VTI1A: variants seen among roughly 807,000 people sequenced by gnomAD.
VTI1A encodes vesicle transport through interaction with t-SNAREs 1A.
VTI1A carries 22 observed loss-of-function variants against 34.9 expected under a neutral mutation model. The observed-to-expected ratio is 0.63, with a 90% confidence interval of 0.45 to 0.90. The LOEUF is 0.90. Among genes scored for constraint, VTI1A ranks in the 40% least tolerant of loss-of-function variants. The pLI is 0.00. For synonymous variants in VTI1A, 87 were observed against 97.3 expected (o/e 0.89, Z 0.62); for missense variants, 268 against 275.6 (o/e 0.97, Z 0.20).
At chr10:112,611,127 A>G (rs1169008497) in intron 5 of VTI1A, among the ~76,000 whole-genome samples, 1 of 152,196 alleles carries the variant, frequency 6.6e-6, no homozygotes, top group Non-Finnish European at 1.5e-5. Context: ...CTGTCCCAGC[A>G]TGGTGACATT....
chr10:112,801,651 A>C (rs529010399), intron 7 of VTI1A, among the ~76,000 whole-genome samples: 1 of 152,176 alleles, frequency 6.6e-6, no homozygotes, highest in South Asian at 2.1e-4. Flanking sequence ...CCCATATGTT[A>C]TGTAAAAATA....
intron 7 of VTI1A, among the ~76,000 whole-genome samples, chr10:112,805,937 A>G (rs536734134): frequency 6.6e-6 from 1 of 152,326 alleles, no homozygotes; most frequent in South Asian, 2.1e-4. Context: ...TGCCGGCCCT[A>G]GCACACTAAT....
intron 2 of VTI1A, among the ~76,000 whole-genome samples, chr10:112,462,783 G>T (rs557038426): frequency 9.2e-4 from 140 of 152,326 alleles, no homozygotes; most frequent in African/African-American, 3.2e-3. Context: ...TGATAAGCTG[G>T]TAGGGTTCCG....
chr10:112,818,121 G>C lies in VTI1A; in HGVS notation c.*2738G>C, dbSNP rs1853576410. 1 of 233,430 alleles carries C rather than the reference G, an allele frequency of 4.3e-6. No individual in the cohort carries two copies. Among genetic ancestry groups the C allele is most frequent in the Admixed American group, 5.6e-5 (1 of 17,776 alleles). The allele number at this position is 233,430 out of a possible 1,614,324, so 14.5% of individuals were successfully genotyped here. On this transcript the variant is annotated 3_prime_UTR_variant, in exon 8 of 8. Coordinates refer to ENST00000393077, the MANE Select transcript of VTI1A (RefSeq NM_145206.4). ...CCATTTGCTATTCTGTTTAAGGCAG[G>C]CTGGATTGTCTTATTTTGGAACCAG...
Position 112,573,477 on chromosome 10 carries a change from G to A in VTI1A, c.427+35147G>A, listed in dbSNP as rs551249282. Among the ~76,000 whole-genome samples the A allele has an allele frequency of 2.0e-5, 3 of 152,140 alleles. No homozygotes were observed. The South Asian group carries it at 6.2e-4, about 32-fold the overall frequency. On this transcript the variant is annotated intron_variant, in intron 5 of 7. Coordinates refer to ENST00000393077, the MANE Select transcript of VTI1A (RefSeq NM_145206.4). ...TAGACATAAAATGACAATGGTATTT[G>A]CATGTTTGGTGAAAATATACAATCC...
intron 7 of VTI1A, among the ~76,000 whole-genome samples, chr10:112,681,018 A>G (rs1848192445): frequency 6.6e-6 from 1 of 152,010 alleles, no homozygotes; most frequent in Admixed American, 6.6e-5. Flanking sequence ...CATAAAGTTA[A>G]TATAATGTGA....
intron 7 of VTI1A, among the ~76,000 whole-genome samples, chr10:112,683,314 C>G (rs1848283672): frequency 6.6e-6 from 1 of 152,146 alleles, no homozygotes; most frequent in Non-Finnish European, 1.5e-5. Flanking sequence ...AGGTCCTGCC[C>G]TTATAGTGCT....
chr10:112,576,146 G>A (rs1214353317), intron 5 of VTI1A, among the ~76,000 whole-genome samples: 1 of 151,400 alleles, frequency 6.6e-6, no homozygotes, highest in Non-Finnish European at 1.5e-5. Flanking sequence ...TCAGCCTCCT[G>A]AGTAGCTGGG....
chr10:112,805,698 C>T (rs913626157), intron 7 of VTI1A, among the ~76,000 whole-genome samples: 2 of 152,142 alleles, frequency 1.3e-5, no homozygotes, highest in African/African-American at 4.8e-5. Flanking sequence ...ACAGAGATAC[C>T]ACCTTGTGAA....
At chr10:112,604,305 A>G (rs1844990074) in intron 5 of VTI1A, among the ~76,000 whole-genome samples, 7 of 152,188 alleles carry the variant, frequency 4.6e-5, no homozygotes, top group Non-Finnish European at 1.5e-5. Flanking sequence ...AGGAAGATAC[A>G]TGTAAACAGT....
intron 7 of VTI1A, among the ~76,000 whole-genome samples, chr10:112,722,733 A>G (rs1372884593): frequency 1.3e-5 from 2 of 152,102 alleles, no homozygotes; most frequent in Non-Finnish European, 2.9e-5. Context: ...ACCGCAGACC[A>G]AATGAATCAT....
intron 3 of VTI1A, among the ~76,000 whole-genome samples, chr10:112,473,686 C>T (rs902263077): frequency 6.6e-6 from 1 of 152,166 alleles, no homozygotes; most frequent in African/African-American, 2.4e-5. Context: ...CCTGGAACTA[C>T]ATTTTTACTG....
intron 3 of VTI1A, among the ~76,000 whole-genome samples, chr10:112,508,818 A>G (rs1476092411): frequency 6.6e-6 from 1 of 152,238 alleles, no homozygotes. Context: ...TTTCTCCTGT[A>G]GGGACAGAGC....
At chr10:112,548,969 C>T (rs1851242605) in intron 5 of VTI1A, 2 of 653,998 alleles carry the variant, frequency 3.1e-6, no homozygotes, top group Admixed American at 2.6e-5. Context: ...TCTTTCTTCT[C>T]TTCTTCTCCT....
At chr10:112,466,899 G>A (rs1219349468) in intron 3 of VTI1A, among the ~76,000 whole-genome samples, 1 of 152,136 alleles carries the variant, frequency 6.6e-6, no homozygotes, top group African/African-American at 2.4e-5. Flanking sequence ...TTGATCTTTA[G>A]ATGGCTTCTC....
chr10:112,654,617 C>T (rs545059395), intron 5 of VTI1A, among the ~76,000 whole-genome samples: 3 of 152,160 alleles, frequency 2.0e-5, no homozygotes, highest in African/African-American at 7.2e-5. Context: ...CTCAGCCTCC[C>T]GAGTAGCTGG....
intron 5 of VTI1A, among the ~76,000 whole-genome samples, chr10:112,658,000 G>A (rs375656656): frequency 3.9e-5 from 6 of 152,080 alleles, no homozygotes; most frequent in African/African-American, 1.4e-4. Context: ...CAGCTCTGTG[G>A]GTAATGAGCA....
chr10:112,594,411 C>G (rs1458484619), intron 5 of VTI1A, among the ~76,000 whole-genome samples: 1 of 151,964 alleles, frequency 6.6e-6, no homozygotes, highest in Non-Finnish European at 1.5e-5. Flanking sequence ...ATCTAGAAAA[C>G]CCCATTGTCT....
At chr10:112,854,501 A>T in the VTI1A span, among the ~76,000 whole-genome samples, 292 of 152,272 alleles carry the variant, frequency 1.9e-3, no homozygotes, top group Middle Eastern at 6.8e-3. Flanking sequence ...TACAGTCACC[A>T]GCTGGGCCCC....
Sources: allele counts gnomAD v4.1 joint callset (sites outside exome capture counted in the v4.1 genomes callset), GRCh38; gene constraint gnomAD v4.1.1; transcripts MANE v1.5; gene names NCBI Gene and HGNC (gene_info 2026-07-23, HGNC 2026-07-21).